The following CHSY1 variants were observed in gnomAD, a reference collection of about 807,000 sequenced individuals.
CHSY1 encodes the protein chondroitin sulfate synthase 1, also known as N-acetylgalactosaminyl-proteoglycan 3-beta-glucuronosyltransferase 1.
In CHSY1, 13 loss-of-function variants were observed where a neutral mutation model predicts 59.8. That is an observed-to-expected ratio of 0.22 (90% CI 0.14 to 0.35). The LOEUF is 0.35. CHSY1 is among the 10% of genes least tolerant of loss of function. CHSY1 has a pLI of 1.00. For missense variants in CHSY1, 947 were observed against 1,030.6 expected, an observed-to-expected ratio of 0.92 and a Z score of 1.11; for synonymous variants, 459 against 401.2, an observed-to-expected ratio of 1.14 and a Z score of -1.72.
At chr15:101,186,457 G>GT (rs2038366989) in intron 2 of CHSY1, among the ~76,000 whole-genome samples, 2 of 152,172 alleles carry the variant, frequency 1.3e-5, no homozygotes, top group South Asian at 4.1e-4. Flanking sequence ...GAATAAAGCT[G>GT]TAAGACCTTG....
chr15:101,205,910 C>T (rs930648096), intron 2 of CHSY1, among the ~76,000 whole-genome samples: 4 of 151,896 alleles, frequency 2.6e-5, no homozygotes, highest in Admixed American at 1.3e-4. Flanking sequence ...CGAGATAGCG[C>T]CACTACACTC....
intron 1 of CHSY1, among the ~76,000 whole-genome samples, chr15:101,244,511 T>C (rs1478813700): frequency 6.6e-6 from 1 of 152,240 alleles, no homozygotes; most frequent in African/African-American, 2.4e-5. Context: ...AGAGCTGACA[T>C]CTTTTTGTGG....
Position 101,218,423 on chromosome 15 carries a change from C to A in CHSY1, c.816+16659G>T, listed in dbSNP as rs1419259492. Among the ~76,000 whole-genome samples, 3 of 152,064 alleles carry A rather than the reference C, an allele frequency of 2.0e-5. No individual in the cohort carries two copies. In the South Asian group the frequency reaches 6.2e-4, roughly 32 times the overall value. On this transcript the variant is annotated intron_variant, in intron 2 of 2. Transcript: ENST00000254190. ...AACAGCCTGGTCAACATGGTGAAAC[C>A]CCGTCTCTACTAAAAATACAAAAAA... is the stretch of plus-strand genomic sequence containing the variant.
intron 2 of CHSY1, among the ~76,000 whole-genome samples, chr15:101,184,030 T>C (rs2038318185): frequency 6.6e-6 from 1 of 152,250 alleles, no homozygotes; most frequent in Admixed American, 6.5e-5. Context: ...TTTTACTCCC[T>C]AGACCAAATG....
intron 2 of CHSY1, among the ~76,000 whole-genome samples, chr15:101,185,948 C>T (rs1051668996): frequency 5.3e-5 from 8 of 151,756 alleles, no homozygotes; most frequent in African/African-American, 1.9e-4. Flanking sequence ...CGTCACTGCT[C>T]ACCACCAGAA....
chr15:101,223,555 C>T (rs112377115), intron 2 of CHSY1, among the ~76,000 whole-genome samples: 2 of 151,226 alleles, frequency 1.3e-5, no homozygotes, highest in African/African-American at 2.4e-5. Flanking sequence ...ACTCAGGCCT[C>T]GTCTACTACA....
chr15:101,212,653 T>G (rs2038693369), intron 2 of CHSY1, among the ~76,000 whole-genome samples: 1 of 152,240 alleles, frequency 6.6e-6, no homozygotes, highest in South Asian at 2.1e-4. Context: ...GAGGTAAATG[T>G]AATATACATC....
At position 101,176,035 on chromosome 15, in the gene CHSY1, G is replaced by T; in HGVS notation, c.*1353C>A. The T allele has an allele frequency of 5.4e-6, 2 of 372,284 alleles. No individual in the cohort carries two copies. The highest frequency in any genetic ancestry group is 9.5e-6 in the Non-Finnish European group (2 of 210,444). The allele number at this position is 372,284 out of a possible 1,614,324, so 23.1% of individuals were successfully genotyped here. ...CCCAAAACACATGAGCACCAAAATT[G>T]TCAAAGAACACTTAATATTTAGTAA... On this transcript the variant is annotated 3_prime_UTR_variant, in exon 3 of 3. Coordinates refer to ENST00000254190, the MANE Select transcript of CHSY1 (RefSeq NM_014918.5).
At chr15:101,189,891 G>T (rs902673886) in intron 2 of CHSY1, among the ~76,000 whole-genome samples, 4 of 152,272 alleles carry the variant, frequency 2.6e-5, no homozygotes, top group African/African-American at 4.8e-5. Context: ...CGGGGAGCAA[G>T]GGTTCCCGCA....
intron 2 of CHSY1, among the ~76,000 whole-genome samples, chr15:101,198,481 T>C (rs2038533057): frequency 6.6e-6 from 1 of 152,176 alleles, no homozygotes; most frequent in African/African-American, 2.4e-5. Context: ...GAACGAACTA[T>C]GATTTAAAAG....
chr15:101,249,677 C>T (rs1271676982), intron 1 of CHSY1, among the ~76,000 whole-genome samples: 1 of 152,018 alleles, frequency 6.6e-6, no homozygotes, highest in Non-Finnish European at 1.5e-5. Flanking sequence ...CCACACCCGG[C>T]TAATTTTTGT....
intron 2 of CHSY1, among the ~76,000 whole-genome samples, chr15:101,199,883 C>T (rs1212412381): frequency 2.6e-5 from 4 of 152,148 alleles, no homozygotes; most frequent in Non-Finnish European, 5.9e-5. Flanking sequence ...AAACCACGAA[C>T]AGCAGCGTAT....
chr15:101,227,412 G>C (rs2038850950), intron 2 of CHSY1, among the ~76,000 whole-genome samples: 4 of 152,160 alleles, frequency 2.6e-5, no homozygotes, highest in Admixed American at 2.6e-4. Context: ...AACAATCACA[G>C]GCAATTGTTG....
chr15:101,210,494 GT>G (rs567466581), intron 2 of CHSY1, among the ~76,000 whole-genome samples: 3 of 152,114 alleles, frequency 2.0e-5, no homozygotes, highest in African/African-American at 4.8e-5. Context: ...ATTACAAATA[GT>G]TTTTTTTAGT....
At chr15:101,184,319 T>C (rs1234215690) in intron 2 of CHSY1, among the ~76,000 whole-genome samples, 1 of 152,222 alleles carries the variant, frequency 6.6e-6, no homozygotes, top group Non-Finnish European at 1.5e-5. Context: ...ACAGTGAAAG[T>C]TGCTGTAAGT....
chr15:101,191,778 AC>A (rs1022691005), intron 2 of CHSY1, among the ~76,000 whole-genome samples: 4 of 152,172 alleles, frequency 2.6e-5, no homozygotes, highest in African/African-American at 9.7e-5. Context: ...TAGGGAAAAA[AC>A]ATCCTCAAAT....
At chr15:101,179,740 G>A (rs2038251002) in intron 2 of CHSY1, among the ~76,000 whole-genome samples, 1 of 152,230 alleles carries the variant, frequency 6.6e-6, no homozygotes, top group Non-Finnish European at 1.5e-5. Context: ...TGGCAGATGG[G>A]AAACATGCAG....
At chr15:101,231,721 G>A (rs1420693699) in intron 2 of CHSY1, among the ~76,000 whole-genome samples, 3 of 152,220 alleles carry the variant, frequency 2.0e-5, no homozygotes, top group East Asian at 1.9e-4. Context: ...TACAGTACAC[G>A]TCGAAGCAAA....
intron 2 of CHSY1, among the ~76,000 whole-genome samples, chr15:101,225,094 T>C (rs994033035): frequency 6.6e-6 from 1 of 152,206 alleles, no homozygotes; most frequent in Non-Finnish European, 1.5e-5. Flanking sequence ...TGCTTTCCCA[T>C]ACAGCTTACA....
Sources: allele counts gnomAD v4.1 joint callset (sites outside exome capture counted in the v4.1 genomes callset), GRCh38; gene constraint gnomAD v4.1.1; transcripts MANE v1.5; gene names NCBI Gene and HGNC (gene_info 2026-07-23, HGNC 2026-07-21).